ADGRB3: variants seen among roughly 807,000 people sequenced by gnomAD.
ADGRB3 encodes brain-specific angiogenesis inhibitor 3.
In ADGRB3, 37 loss-of-function variants were observed where a neutral mutation model predicts 193.4. The ratio of observed to expected loss-of-function variants is 0.19; its 90% CI spans 0.15 to 0.25. The LOEUF is 0.25. ADGRB3 is among the 10% of genes least tolerant of loss of function. The pLI is 1.00. For synonymous variants in ADGRB3, 690 were observed against 644.2 expected (o/e 1.07, Z -1.08); for missense variants, 1,637 against 1,852.9 (o/e 0.88, Z 2.14).
At chr6:68,828,595 C>T (rs1187574085) in intron 3 of ADGRB3, among the ~76,000 whole-genome samples, 1 of 152,018 alleles carries the variant, frequency 6.6e-6, no homozygotes, top group Non-Finnish European at 1.5e-5. Context: ...AATTAAAAAA[C>T]AAATTGAACT....
chr6:69,168,586 T>C (rs1229869983), intron 17 of ADGRB3, among the ~76,000 whole-genome samples: 1 of 152,138 alleles, frequency 6.6e-6, no homozygotes, highest in Non-Finnish European at 1.5e-5. Context: ...CAACCACAGC[T>C]TTTTATTAGT....
intron 29 of ADGRB3, among the ~76,000 whole-genome samples, chr6:69,368,932 G>A (rs1582661734): frequency 6.6e-6 from 1 of 152,166 alleles, no homozygotes; most frequent in Non-Finnish European, 1.5e-5. Flanking sequence ...ATAGAAATTA[G>A]GAAGAGGAAA....
intron 26 of ADGRB3, among the ~76,000 whole-genome samples, chr6:69,343,633 T>A (rs1159305899): frequency 3.3e-5 from 5 of 152,114 alleles, no homozygotes; most frequent in Admixed American, 3.3e-4. Flanking sequence ...CTTTATAAAA[T>A]TTATATTCTT....
In ADGRB3 at chr6:68,950,677, A is replaced by G. The variant is rs187971101; in HGVS notation, c.1196-5347A>G. Reference sequence around the variant, plus strand: ...TCCTAAAAGTCAACCTTAATTTTCTATTTTTCTGCACCCTACCACAAACCT... The same window carrying G: ...TCCTAAAAGTCAACCTTAATTTTCTGTTTTTCTGCACCCTACCACAAACCT... On this transcript the variant is annotated intron_variant, in intron 6 of 31. Transcript: ENST00000370598. Among the ~76,000 whole-genome samples, 134 of 152,160 alleles carry G rather than the reference A, an allele frequency of 8.8e-4. 1 individual carries two copies. The highest frequency in any genetic ancestry group is 6.2e-4 in the Non-Finnish European group (42 of 67,972).
chr6:68,703,605 C>A (rs946257976), intron 3 of ADGRB3, among the ~76,000 whole-genome samples: 2 of 151,716 alleles, frequency 1.3e-5, no homozygotes, highest in African/African-American at 2.4e-5. Flanking sequence ...TAAAAAGAAC[C>A]CCATTCATTA....
At chr6:68,761,103 T>A (rs1766386882) in intron 3 of ADGRB3, among the ~76,000 whole-genome samples, 1 of 152,150 alleles carries the variant, frequency 6.6e-6, no homozygotes, top group Admixed American at 6.5e-5. Flanking sequence ...TCCCTGGTGA[T>A]CCTAAGAAAC....
intron 16 of ADGRB3, among the ~76,000 whole-genome samples, chr6:69,069,268 T>C (rs1235745419): frequency 6.6e-6 from 1 of 152,024 alleles, no homozygotes; most frequent in Non-Finnish European, 1.5e-5. Flanking sequence ...CCTTGCATGG[T>C]GTTTTACTCT....
intron 3 of ADGRB3, among the ~76,000 whole-genome samples, chr6:68,670,938 T>A (rs1768940212): frequency 6.6e-6 from 1 of 151,930 alleles, no homozygotes; most frequent in Non-Finnish European, 1.5e-5. Context: ...ATTTCTTTCA[T>A]CAATATTTTA....
In ADGRB3 at chr6:69,239,625, TA is replaced by T. The variant is rs1416352760; in HGVS notation, c.2814+402del. On this transcript the variant is annotated intron_variant, in intron 20 of 31. Coordinates refer to ENST00000370598, the MANE Select transcript of ADGRB3 (RefSeq NM_001704.3). ...CATATTGATTCCTAAAAGGTAACTA[TA>T]AATTGCTTACAAGTGTAACATCTCT... Among the ~76,000 whole-genome samples the T allele has an allele frequency of 2.0e-5, 3 of 152,044 alleles. No individual in the cohort carries two copies. In the East Asian group the frequency reaches 5.8e-4, roughly 29 times the overall value.
At chr6:68,694,365 T>C (rs905390514) in intron 3 of ADGRB3, among the ~76,000 whole-genome samples, 5 of 152,052 alleles carry the variant, frequency 3.3e-5, no homozygotes, top group African/African-American at 7.2e-5. Flanking sequence ...AGCCATCCAT[T>C]TGAGTGGCAG....
chr6:69,085,083 C>T (rs1162297898), intron 17 of ADGRB3, among the ~76,000 whole-genome samples: 1 of 151,970 alleles, frequency 6.6e-6, no homozygotes, highest in African/African-American at 2.4e-5. Context: ...AAAAAAAATA[C>T]CCTCGGTGAA....
At chr6:68,815,188 T>A (rs1470867122) in intron 3 of ADGRB3, among the ~76,000 whole-genome samples, 1 of 152,116 alleles carries the variant, frequency 6.6e-6, no homozygotes, top group African/African-American at 2.4e-5. Context: ...TCCCAGTCCT[T>A]CGCGGCTCCT....
At chr6:68,684,848 T>G (rs898527054) in intron 3 of ADGRB3, among the ~76,000 whole-genome samples, 6 of 152,268 alleles carry the variant, frequency 3.9e-5, no homozygotes, top group African/African-American at 1.4e-4. Flanking sequence ...TGAAATCAAG[T>G]AATATTTAGA....
intron 15 of ADGRB3, among the ~76,000 whole-genome samples, chr6:69,060,391 A>G (rs1266390079): frequency 6.6e-6 from 1 of 151,988 alleles, no homozygotes; most frequent in African/African-American, 2.4e-5. Context: ...TATTGTAGCT[A>G]CTTTGCTCCT....
At chr6:69,171,257 C>G (rs980828742) in intron 17 of ADGRB3, among the ~76,000 whole-genome samples, 4 of 152,066 alleles carry the variant, frequency 2.6e-5, no homozygotes, top group African/African-American at 9.7e-5. Context: ...TCCATGTTGG[C>G]CAGCATAGTT....
chr6:69,362,889 A>C (rs2127333766), intron 29 of ADGRB3, among the ~76,000 whole-genome samples: 1 of 152,158 alleles, frequency 6.6e-6, no homozygotes, highest in South Asian at 2.1e-4. Flanking sequence ...AAATCACAGA[A>C]GTTTTTAAAA....
chr6:69,026,991 T>C (rs1050941041), intron 13 of ADGRB3, among the ~76,000 whole-genome samples: 1 of 152,154 alleles, frequency 6.6e-6, no homozygotes, highest in Non-Finnish European at 1.5e-5. Flanking sequence ...AACACTGTAC[T>C]CATAAGCTAC....
At chr6:69,026,410 C>T (rs1472655054) in intron 13 of ADGRB3, among the ~76,000 whole-genome samples, 1 of 152,050 alleles carries the variant, frequency 6.6e-6, no homozygotes, top group Non-Finnish European at 1.5e-5. Flanking sequence ...GCAGAAAGGC[C>T]ATGATTCACC....
intron 23 of ADGRB3, chr6:69,331,675 T>C: frequency 1.0e-6 from 1 of 985,434 alleles, no homozygotes; most frequent in Non-Finnish European, 1.2e-6. Flanking sequence ...CTTTGAATTT[T>C]TATTTAATCA....
Sources: allele counts gnomAD v4.1 joint callset (sites outside exome capture counted in the v4.1 genomes callset), GRCh38; gene constraint gnomAD v4.1.1; transcripts MANE v1.5; gene names NCBI Gene and HGNC (gene_info 2026-07-23, HGNC 2026-07-21).